POLR3A: variants seen among roughly 807,000 people sequenced by gnomAD.
POLR3A encodes the protein DNA-directed RNA polymerase III subunit RPC1.
POLR3A carries 112 observed loss-of-function variants against 152.8 expected under a neutral mutation model. The ratio of observed to expected loss-of-function variants is 0.73; its 90% CI spans 0.63 to 0.86. The LOEUF is 0.86. Among genes scored for constraint, POLR3A ranks in the 40% least tolerant of loss-of-function variants. The probability of loss-of-function intolerance (pLI) is 0.00; values close to 1 mark genes in which losing one functional copy is unlikely to be tolerated. For missense variants in POLR3A, 1,385 were observed against 1,743.1 expected (o/e 0.79, Z 3.66); for synonymous variants, 615 against 652.1 (o/e 0.94, Z 0.87).
Position 77,981,415 on chromosome 10 carries a change from C to A in POLR3A, c.3891+13G>T. The A allele has an allele frequency of 6.2e-7, 1 of 1,613,744 alleles. No individual in the cohort carries two copies. The highest frequency in any genetic ancestry group is 2.2e-5 in the East Asian group (1 of 44,878). ...GGATGCCCAGGCAGCCCGGGGGCCT[C>A]CTGCCCACATACCTTGTAGGTCATG... On this transcript the variant is annotated intron_variant, in intron 29 of 30. Transcript: ENST00000372371.
intron 10 of POLR3A, among the ~76,000 whole-genome samples, chr10:78,015,637 A>G (rs1321820321): frequency 6.6e-6 from 1 of 151,156 alleles, no homozygotes; most frequent in Non-Finnish European, 1.5e-5. Flanking sequence ...AAATTTTCAA[A>G]CAAAAAAAAT....
chr10:77,980,868 A>C (rs1847134412), intron 29 of POLR3A, among the ~76,000 whole-genome samples: 1 of 152,146 alleles, frequency 6.6e-6, no homozygotes, highest in African/African-American at 2.4e-5. Context: ...TGGTTTCTAA[A>C]TAGTCTGTAA....
intron 24 of POLR3A, 120 bp from the exon 25 acceptor site, chr10:77,984,418 T>A: frequency 1.4e-6 from 1 of 719,032 alleles, no homozygotes; most frequent in Non-Finnish European, 2.6e-6. Context: ...CCCAGTTTAC[T>A]GAGCAAGCTC....
intron 19 of POLR3A, among the ~76,000 whole-genome samples, chr10:77,998,318 T>A (rs574250003): frequency 2.6e-5 from 4 of 151,856 alleles, no homozygotes; most frequent in African/African-American, 9.7e-5. Flanking sequence ...CTAATTAAAC[T>A]AAAGAGCTTC....
At chr10:78,024,822 G>C (rs373950822) in intron 4 of POLR3A, 119 bp from the exon 5 acceptor site, 1 of 1,321,446 alleles carries the variant, frequency 7.6e-7, no homozygotes, top group Non-Finnish European at 1.1e-6. Context: ...TGAGAGGTCC[G>C]TTTCCCAATA....
intron 9 of POLR3A, among the ~76,000 whole-genome samples, chr10:78,018,727 C>T (rs778550198): frequency 2.5e-4 from 38 of 152,074 alleles, no homozygotes; most frequent in African/African-American, 6.5e-4. Flanking sequence ...GGACTACATA[C>T]GTGTGCTACC....
intron 15 of POLR3A, among the ~76,000 whole-genome samples, chr10:78,006,509 C>T (rs563049038): frequency 2.2e-5 from 3 of 139,298 alleles, no homozygotes; most frequent in East Asian, 2.2e-4. Context: ...TAAAAATCAA[C>T]AGAAGTATTA....
At chr10:78,008,358 T>C (rs1290476475) in intron 14 of POLR3A, among the ~76,000 whole-genome samples, 3 of 152,228 alleles carry the variant, frequency 2.0e-5, no homozygotes, top group African/African-American at 7.2e-5. Flanking sequence ...CTGAAGTATT[T>C]TGAAGATCAG....
rs1306974716 is a variant in POLR3A, at chr10:77,993,229, A to G, written c.2755T>C (p.Leu919=). The G allele has an allele frequency of 6.2e-7, 1 of 1,613,884 alleles. No individual in the cohort carries two copies. The highest frequency in any genetic ancestry group is 8.5e-7 in the Non-Finnish European group (1 of 1,179,788). ...TTGTCCAGAACCCTTTTAAACTCCA[A>G]AGGTTCATCTTTTCCCTCCATAGCT... is the stretch of plus-strand genomic sequence containing the variant. ...PAAMEGKDEP[L]EFKRVLDNIK... Residue 919 remains leucine (L), a synonymous_variant, in exon 20 of 31, where the codon TTG becomes CTG. Transcript: ENST00000372371.
intron 18 of POLR3A, among the ~76,000 whole-genome samples, chr10:78,000,712 G>C (rs1197833828): frequency 6.6e-6 from 1 of 152,154 alleles, no homozygotes; most frequent in Non-Finnish European, 1.5e-5. Context: ...TTATTTATTT[G>C]TAGAGATGGG....
chr10:77,995,732 G>A (rs2131938749), intron 19 of POLR3A, among the ~76,000 whole-genome samples: 1 of 152,280 alleles, frequency 6.6e-6, no homozygotes, highest in African/African-American at 2.4e-5. Flanking sequence ...ACACCCCACT[G>A]TCAACATTAG....
chr10:78,021,465 T>G lies in POLR3A; in HGVS notation c.1185+81A>C, dbSNP rs113528943. ...GAGTGGGTTACTGGGGACTTTCTACTGCCTGTTGTTTGCAATACCAAAATA... is the reference window on the plus strand; with the variant it reads ...GAGTGGGTTACTGGGGACTTTCTACGGCCTGTTGTTTGCAATACCAAAATA... On this transcript the variant is annotated intron_variant, in intron 8 of 30. Coordinates refer to ENST00000372371, the MANE Select transcript of POLR3A (RefSeq NM_007055.4). 1,102 of 1,434,784 alleles carry G rather than the reference T, an allele frequency of 7.7e-4. 9 individuals carry two copies. The African/African-American group carries it at 0.012, about 16-fold the overall frequency. The allele number at this position is 1,434,784 out of a possible 1,614,324, so 88.9% of individuals were successfully genotyped here.
chr10:77,977,698 G>T, intron 30 of POLR3A, 72 bp from the exon 31 acceptor site: 1 of 1,345,424 alleles, frequency 7.4e-7, no homozygotes, highest in Non-Finnish European at 1.1e-6. Flanking sequence ...AAGACTATTG[G>T]CTTAAGTGTC....
chr10:77,982,912 G>T (rs1847162184), intron 26 of POLR3A, 95 bp from the exon 27 acceptor site: 1 of 1,108,492 alleles, frequency 9.0e-7, no homozygotes, highest in Non-Finnish European at 1.4e-6. Flanking sequence ...AGTCAGGTTT[G>T]TTCTAAGCAC....
In POLR3A at chr10:78,010,456, A is replaced by G; in HGVS notation, c.1642+15T>C. ...CAGTCAGAAATCTCCTTTCAAGTGA[A>G]CTTCACCAACCTACCTGTTAGAAAA... On this transcript the variant is annotated intron_variant, in intron 12 of 30. Transcript: ENST00000372371. The G allele has an allele frequency of 6.3e-7, 1 of 1,594,120 alleles. No individual in the cohort carries two copies. The highest frequency in any genetic ancestry group is 1.1e-5 in the South Asian group (1 of 90,640).
chr10:78,001,788 ACCAC>A (rs1847359726), intron 17 of POLR3A, among the ~76,000 whole-genome samples: 2 of 150,624 alleles, frequency 1.3e-5, no homozygotes, highest in Non-Finnish European at 3.0e-5. Context: ...GGCACAAGCC[ACCAC>A]GCCCAGCTAA....
rs149587389 is a variant in POLR3A, at chr10:78,007,398, C to T, written c.2074+304G>A. On this transcript the variant is annotated intron_variant, in intron 15 of 30. Transcript: ENST00000372371. The stretch of plus-strand genomic sequence containing the variant: ...AGCCCCAAGTGTTCTAGTGCTTCCA[C>T]AGGGACCTTGGAAGCAGCCCATCAA... Among the ~76,000 whole-genome samples, 421 of 152,284 alleles carry T rather than the reference C, an allele frequency of 2.8e-3. 5 individuals are homozygous for T. Among genetic ancestry groups the T allele is most frequent in the African/African-American group, 9.6e-3 (397 of 41,568 alleles).
intron 24 of POLR3A, among the ~76,000 whole-genome samples, chr10:77,984,749 C>G (rs1383968432): frequency 6.6e-6 from 1 of 152,202 alleles, no homozygotes; most frequent in Non-Finnish European, 1.5e-5. Context: ...TCTATTTCTT[C>G]TAGCCTTAGA....
chr10:78,023,918 T>C (rs1351190884), intron 5 of POLR3A, among the ~76,000 whole-genome samples: 2 of 151,738 alleles, frequency 1.3e-5, no homozygotes, highest in African/African-American at 4.8e-5. Context: ...TGAGAGGATC[T>C]CTTGGGCTCA....
Sources: gnomAD v4.1 joint callset for allele counts (sites outside exome capture counted in the v4.1 genomes callset) on GRCh38, gnomAD v4.1.1 for gene constraint, MANE v1.5 for transcripts, NCBI Gene and HGNC (gene_info 2026-07-23, HGNC 2026-07-21) for gene names.